Variants in MACIR observed in about 807,000 individuals in gnomAD.
The protein encoded by MACIR is UNC119-binding protein C5orf30.
Under a neutral mutation model 14.3 loss-of-function variants are expected in MACIR, and 4 were observed. The observed-to-expected ratio is 0.28, with a 90% confidence interval of 0.14 to 0.64. The LOEUF is 0.64. MACIR is among the 30% of genes least tolerant of loss of function. The pLI, the probability that MACIR is intolerant of heterozygous loss-of-function variation, is 0.83. For synonymous variants in MACIR, 101 were observed against 102.4 expected, an observed-to-expected ratio of 0.99 and a Z score of 0.08; for missense variants, 228 against 257.6, an observed-to-expected ratio of 0.89 and a Z score of 0.79.
chr5:103,260,643 GATATT>G lies in MACIR; in HGVS notation c.-114+1752_-114+1756del. On this transcript the variant is annotated intron_variant, in intron 1 of 2. Coordinates refer to ENST00000319933, the MANE Select transcript of MACIR (RefSeq NM_033211.4). ...TTTCAGTGTATAAGATATATTTATT[GATATT>G]ATATAACAGTCAATGAATTTGCTTA... 1.3e-5 allele frequency among the ~76,000 whole-genome samples: 2 copies of G among 152,224 alleles called. 1 individual carries two copies. The highest frequency in any genetic ancestry group is 6.8e-3 in the Middle Eastern group (2 of 294).
chr5:103,273,760 T>C (rs1164785225), intron 2 of MACIR, among the ~76,000 whole-genome samples: 1 of 152,238 alleles, frequency 6.6e-6, no homozygotes, highest in Admixed American at 6.5e-5. Flanking sequence ...CTCACCTCTG[T>C]ATGAATTATT....
intron 2 of MACIR, among the ~76,000 whole-genome samples, chr5:103,268,133 C>T (rs1255535044): frequency 6.6e-6 from 1 of 152,146 alleles, no homozygotes; most frequent in East Asian, 1.9e-4. Context: ...ATGAAGCTGT[C>T]ATAAATATTC....
Position 103,278,073 on chromosome 5 carries a change from A to G in MACIR, c.*1533A>G, listed in dbSNP as rs1356784462. On this transcript the variant is annotated 3_prime_UTR_variant, in exon 3 of 3. Transcript: ENST00000319933. ...CTTTCATTAAGGCAAACTACGTGAA[A>G]GAGCCTTGGGGAAGTTGGCCCATAT... 6 of 167,084 alleles carry G rather than the reference A, an allele frequency of 3.6e-5. No homozygotes were observed. Among genetic ancestry groups the G allele is most frequent in the Non-Finnish European group, 5.9e-5 (4 of 68,102 alleles). 10.4% of individuals were successfully genotyped at this position (167,084 alleles called of 1,614,324 possible). A position where few individuals can be genotyped will look rare whatever the true frequency, so the allele number is the denominator to read the frequency against.
At chr5:103,261,299 T>C (rs2149919339) in intron 1 of MACIR, among the ~76,000 whole-genome samples, 1 of 152,368 alleles carries the variant, frequency 6.6e-6, no homozygotes, top group Admixed American at 6.5e-5. Flanking sequence ...TTAAAGAGTA[T>C]TGATGACTTA....
In MACIR at chr5:103,271,366, A is replaced by T. The variant is rs76503713; in HGVS notation, c.-23-4531A>T. Among the ~76,000 whole-genome samples the T allele has an allele frequency of 4.1e-3, 619 of 152,236 alleles. 1 individual carries two copies. The highest frequency in any genetic ancestry group is 0.011 in the African/African-American group (465 of 41,550). Reference sequence around the variant, plus strand: ...TCAGAGAGTATTCAGACCTATGCAGATTCTATAAGGGTTACAGGCTTTTGA... The same window carrying T: ...TCAGAGAGTATTCAGACCTATGCAGTTTCTATAAGGGTTACAGGCTTTTGA... On this transcript the variant is annotated intron_variant, in intron 2 of 2. Coordinates refer to ENST00000319933, the MANE Select transcript of MACIR (RefSeq NM_033211.4).
At chr5:103,275,846 C>A in intron 2 of MACIR, 51 bp from the exon 3 acceptor site, 1 of 1,505,280 alleles carries the variant, frequency 6.6e-7, no homozygotes, top group Non-Finnish European at 9.0e-7. Context: ...CCTGGCCTGG[C>A]CCAAGTCTCT....
At chr5:103,269,111 C>T (rs868956935) in intron 2 of MACIR, among the ~76,000 whole-genome samples, 12 of 151,934 alleles carry the variant, frequency 7.9e-5, no homozygotes, top group South Asian at 6.2e-4. Flanking sequence ...GGGAGGCTGA[C>T]GTGGGAGGAT....
rs1477516044 is a variant in MACIR, at chr5:103,277,954, G to A, written c.*1414G>A. 1.8e-5 allele frequency: 3 copies of A among 166,980 alleles called. No individual in the cohort carries two copies. The highest frequency in any genetic ancestry group is 2.9e-5 in the Non-Finnish European group (2 of 68,084). 10.3% of individuals were successfully genotyped at this position (166,980 alleles called of 1,614,324 possible). ...TGAGTGGGTCATTCCTGGTGCAATTGTGATTTTTCTTTAGCCAGAATGAAT... is the reference window on the plus strand; with the variant it reads ...TGAGTGGGTCATTCCTGGTGCAATTATGATTTTTCTTTAGCCAGAATGAAT... On this transcript the variant is annotated 3_prime_UTR_variant, in exon 3 of 3. Coordinates refer to ENST00000319933, the MANE Select transcript of MACIR (RefSeq NM_033211.4).
chr5:103,260,061 G>GTA (rs1302025320), intron 1 of MACIR, among the ~76,000 whole-genome samples: 1 of 88,018 alleles, frequency 1.1e-5, no homozygotes, highest in Non-Finnish European at 3.1e-5. Flanking sequence ...GTGTGTGTGT[G>GTA]TGTGTGTGTG....
At chr5:103,268,089 A>G (rs1416075292) in intron 2 of MACIR, among the ~76,000 whole-genome samples, 3 of 152,066 alleles carry the variant, frequency 2.0e-5, no homozygotes, top group African/African-American at 7.2e-5. Context: ...CTGTTGATGG[A>G]TATTTGGATT....
rs1412915508 is a variant in MACIR, at chr5:103,277,463, G to A, written c.*923G>A. 6.0e-6 allele frequency: 1 copy of A among 167,046 alleles called. No homozygotes were observed. The highest frequency in any genetic ancestry group is 1.5e-5 in the Non-Finnish European group (1 of 68,092). 10.3% of individuals were successfully genotyped at this position (167,046 alleles called of 1,614,324 possible). On this transcript the variant is annotated 3_prime_UTR_variant, in exon 3 of 3. Coordinates refer to ENST00000319933, the MANE Select transcript of MACIR (RefSeq NM_033211.4). Reference sequence around the variant, plus strand: ...ATAATAGTTTAATAGAGGAACTCATGATTTGTACTATTGAATGATTAAACT... The same window carrying A: ...ATAATAGTTTAATAGAGGAACTCATAATTTGTACTATTGAATGATTAAACT...
chr5:103,272,036 G>A (rs1258128072), intron 2 of MACIR, among the ~76,000 whole-genome samples: 5 of 152,120 alleles, frequency 3.3e-5, no homozygotes, highest in Non-Finnish European at 5.9e-5. Context: ...CTGTTGCATG[G>A]TACCTGTAGT....
At chr5:103,263,417 T>C (rs1361117571) in intron 1 of MACIR, among the ~76,000 whole-genome samples, 1 of 152,136 alleles carries the variant, frequency 6.6e-6, no homozygotes, top group Non-Finnish European at 1.5e-5. Context: ...TTACTACTCT[T>C]TGTTTACTAT....
rs1805345980 is a variant in MACIR at position 103,276,630 on chromosome 5, C to G, written c.*90C>G. 1.9e-5 allele frequency: 23 copies of G among 1,200,444 alleles called. No individual in the cohort carries two copies. Among genetic ancestry groups the G allele is most frequent in the Non-Finnish European group, 2.3e-5 (20 of 861,796 alleles). 74.4% of individuals were successfully genotyped at this position (1,200,444 alleles called of 1,614,324 possible). ...TGTACTCTGTACATGACTCTTCACA[C>G]TATAGATGGTTATATCAGCTAAGTG... On this transcript the variant is annotated 3_prime_UTR_variant, in exon 3 of 3. Transcript: ENST00000319933.
intron 2 of MACIR, among the ~76,000 whole-genome samples, chr5:103,270,422 A>G (rs1580577257): frequency 6.6e-6 from 1 of 152,258 alleles, no homozygotes; most frequent in African/African-American, 2.4e-5. Context: ...GATATACCAA[A>G]ATATTAATAG....
chr5:103,267,795 GT>G (rs1329919149), intron 2 of MACIR, among the ~76,000 whole-genome samples: 1 of 152,116 alleles, frequency 6.6e-6, no homozygotes, highest in African/African-American at 2.4e-5. Context: ...AATGTATCCA[GT>G]TATGTAATGA....
intron 2 of MACIR, among the ~76,000 whole-genome samples, chr5:103,275,517 G>C (rs1805289933): frequency 6.6e-6 from 1 of 152,182 alleles, no homozygotes; most frequent in Non-Finnish European, 1.5e-5. Context: ...AACTATGTAT[G>C]ATGGCTTTCA....
chr5:103,263,072 A>G (rs1195956635), intron 1 of MACIR, among the ~76,000 whole-genome samples: 2 of 152,212 alleles, frequency 1.3e-5, no homozygotes, highest in Non-Finnish European at 2.9e-5. Context: ...AGATGGGGGT[A>G]GAACCCTTAC....
At position 103,277,199 on chromosome 5, in the gene MACIR, G is replaced by A. The variant is rs541661121; in HGVS notation, c.*659G>A. The A allele has an allele frequency of 2.4e-5, 4 of 166,934 alleles. No homozygotes were observed. The highest frequency in any genetic ancestry group is 4.8e-5 in the African/African-American group (2 of 41,488). 10.3% of individuals were successfully genotyped at this position (166,934 alleles called of 1,614,324 possible). ...TGGCTGTAAAATATTTCTTTATAGC[G>A]TTATTAAAGTGTGTCTTAATAAAAT... On this transcript the variant is annotated 3_prime_UTR_variant, in exon 3 of 3. Transcript: ENST00000319933.
Sources: gnomAD v4.1 joint callset for allele counts (sites outside exome capture counted in the v4.1 genomes callset) on GRCh38, gnomAD v4.1.1 for gene constraint, MANE v1.5 for transcripts, NCBI Gene and HGNC (gene_info 2026-07-23, HGNC 2026-07-21) for gene names.